Variants in CCDC92B observed in about 807,000 individuals in gnomAD.
CCDC92B encodes the protein coiled-coil domain-containing 92B.
CCDC92B carries 2 observed loss-of-function variants against 5.6 expected under a neutral mutation model. That is an observed-to-expected ratio of 0.36 (90% CI 0.15 to 1.12). The LOEUF is 1.12. Among genes scored for constraint, CCDC92B ranks in the 50% most tolerant of loss-of-function variants. The pLI is 0.40. For missense variants in CCDC92B, 271 were observed against 262.2 expected (o/e 1.03, Z -0.23); for synonymous variants, 115 against 122.3 (o/e 0.94, Z 0.39).
intron 1 of CCDC92B, among the ~76,000 whole-genome samples, chr17:2,744,392 G>T (rs1296185198): frequency 2.0e-5 from 3 of 147,782 alleles, no homozygotes; most frequent in African/African-American, 5.0e-5. Context: ...AGTCTCACTA[G>T]GTTGCCCAGG....
At chr17:2,729,489 C>T (rs1269833326) in intron 3 of CCDC92B, among the ~76,000 whole-genome samples, 6 of 67,772 alleles carry the variant, frequency 8.9e-5, no homozygotes, top group Admixed American at 2.2e-4. Context: ...AGCGAGACTC[C>T]GTCTCAAAAA....
chr17:2,725,080 C>CA lies in CCDC92B; in HGVS notation c.179-81dup, dbSNP rs953378308. The CA allele has an allele frequency of 7.1e-6, 7 of 984,036 alleles. No homozygotes were observed. The African/African-American group carries it at 1.2e-4, about 17-fold the overall frequency. The allele number at this position is 984,036 out of a possible 1,614,324, so 61.0% of individuals were successfully genotyped here. ...CTGCACGGCTCAGAGCTCCGTGTAACAAAACCCCCAGGCCGGGCGCGGGGC... is the reference window on the plus strand; with the variant it reads ...CTGCACGGCTCAGAGCTCCGTGTAACAAAAACCCCCAGGCCGGGCGCGGGGC... On this transcript the variant is annotated intron_variant, in intron 3 of 3. Coordinates refer to ENST00000614400, the MANE Select transcript of CCDC92B (RefSeq NM_001355573.2).
intron 1 of CCDC92B, among the ~76,000 whole-genome samples, chr17:2,736,257 TCTCTA>T (rs2070856191): frequency 6.6e-6 from 1 of 151,660 alleles, no homozygotes; most frequent in African/African-American, 2.4e-5. Context: ...TGAAACCCCG[TCTCTA>T]CTCAAAATAC....
At chr17:2,734,549 G>A (rs903368063) in intron 2 of CCDC92B, among the ~76,000 whole-genome samples, 4 of 151,202 alleles carry the variant, frequency 2.6e-5, no homozygotes, top group African/African-American at 9.7e-5. Flanking sequence ...GAGTGCAGTG[G>A]CGTGATCTCA....
chr17:2,731,971 G>T (rs1390390683), intron 2 of CCDC92B, among the ~76,000 whole-genome samples: 3 of 152,226 alleles, frequency 2.0e-5, no homozygotes, highest in African/African-American at 7.2e-5. Flanking sequence ...CAGATACGCT[G>T]TGTGACCTTG....
At chr17:2,736,139 AG>A (rs1444184170) in intron 1 of CCDC92B, among the ~76,000 whole-genome samples, 8 of 152,166 alleles carry the variant, frequency 5.3e-5, no homozygotes, top group African/African-American at 1.9e-4. Flanking sequence ...TTTGTAAAAG[AG>A]AAAGGCGGGC....
chr17:2,741,153 AC>A (rs1275170817), intron 1 of CCDC92B, among the ~76,000 whole-genome samples: 1 of 152,064 alleles, frequency 6.6e-6, no homozygotes, highest in Non-Finnish European at 1.5e-5. Context: ...CCAACAGGGA[AC>A]AGCATCTGTG....
chr17:2,728,659 TG>T (rs1567611901), intron 3 of CCDC92B, among the ~76,000 whole-genome samples: 1 of 151,908 alleles, frequency 6.6e-6, no homozygotes, highest in Non-Finnish European at 1.5e-5. Flanking sequence ...GGCAGTGGCT[TG>T]GGCCCAGGTG....
intron 1 of CCDC92B, among the ~76,000 whole-genome samples, chr17:2,744,841 G>C (rs533591610): frequency 1.3e-5 from 2 of 152,002 alleles, no homozygotes; most frequent in African/African-American, 2.4e-5. Context: ...TGAACAGATC[G>C]TGTGTGCCCA....
At chr17:2,747,061 C>G (rs1270497112) in intron 1 of CCDC92B, among the ~76,000 whole-genome samples, 2 of 152,128 alleles carry the variant, frequency 1.3e-5, no homozygotes, top group African/African-American at 4.8e-5. Context: ...TTTGTCTGCT[C>G]CAGGTCCCCT....
chr17:2,733,744 C>CTGTTTTTTT (rs2070825010), intron 2 of CCDC92B, among the ~76,000 whole-genome samples: 1 of 49,306 alleles, frequency 2.0e-5, no homozygotes, highest in African/African-American at 8.7e-5. Context: ...GGACCACTGG[C>CTGTTTTTTT]TTTTTTTTTT....
chr17:2,738,195 C>T (rs1205360610), intron 1 of CCDC92B, among the ~76,000 whole-genome samples: 1 of 151,956 alleles, frequency 6.6e-6, no homozygotes, highest in Non-Finnish European at 1.5e-5. Flanking sequence ...TGACTGCCAC[C>T]ATGCCTGGCT....
rs1275343388 is a variant in CCDC92B, at chr17:2,722,962, C to CT, written c.*1448dup. 6.6e-6 allele frequency: 1 copy of CT among 152,418 alleles called. No homozygotes were observed. The highest frequency in any genetic ancestry group is 6.5e-5 in the Admixed American group (1 of 15,274). 9.4% of individuals were successfully genotyped at this position (152,418 alleles called of 1,614,324 possible). ...CCTGCCTTTGGTGGTGGACGGGGAG[C>CT]TTGGGAGAAGGGGCGTTAGGAGGTG... On this transcript the variant is annotated 3_prime_UTR_variant, in exon 4 of 4. Transcript: ENST00000614400.
At chr17:2,730,991 C>T (rs905542826) in intron 2 of CCDC92B, among the ~76,000 whole-genome samples, 2 of 152,228 alleles carry the variant, frequency 1.3e-5, no homozygotes, top group African/African-American at 4.8e-5. Flanking sequence ...CCAGTCTGGA[C>T]ACTTGCTTTT....
At chr17:2,742,609 C>T (rs1230257211) in intron 1 of CCDC92B, among the ~76,000 whole-genome samples, 1 of 152,134 alleles carries the variant, frequency 6.6e-6, no homozygotes, top group African/African-American at 2.4e-5. Context: ...CCTCTTTCAC[C>T]ATGAATCTCT....
intron 3 of CCDC92B, among the ~76,000 whole-genome samples, chr17:2,727,029 C>T (rs2070738874): frequency 6.6e-6 from 1 of 151,894 alleles, no homozygotes; most frequent in Non-Finnish European, 1.5e-5. Context: ...CTCAGCCTTC[C>T]CAGGAGTTGG....
intron 3 of CCDC92B, 116 bp downstream of exon 3, chr17:2,730,330 G>A (rs1321875779): frequency 1.5e-5 from 7 of 469,366 alleles, no homozygotes; most frequent in Non-Finnish European, 1.7e-5. Context: ...CAGCCAAGGA[G>A]TGACTATCCC....
chr17:2,739,750 C>T (rs543809344), intron 1 of CCDC92B, among the ~76,000 whole-genome samples: 2 of 152,164 alleles, frequency 1.3e-5, no homozygotes, highest in East Asian at 3.9e-4. Flanking sequence ...AAGTGCTTAG[C>T]ACAGGACGTA....
chr17:2,725,918 G>C (rs1433208934), intron 3 of CCDC92B, among the ~76,000 whole-genome samples: 1 of 150,550 alleles, frequency 6.6e-6, no homozygotes, highest in Admixed American at 6.6e-5. Context: ...GCAAGGGACT[G>C]AAAGAGCTGC....
Sources: allele counts gnomAD v4.1 joint callset (sites outside exome capture counted in the v4.1 genomes callset), GRCh38; gene constraint gnomAD v4.1.1; transcripts MANE v1.5; gene names NCBI Gene and HGNC (gene_info 2026-07-23, HGNC 2026-07-21).